Variants in NTAQ1 observed in about 807,000 individuals in gnomAD.
The protein encoded by NTAQ1 is N-terminal glutamine amidase 1, also known as protein N-terminal glutamine amidohydrolase.
In NTAQ1, 21 loss-of-function variants were observed where a neutral mutation model predicts 28.2. The observed-to-expected ratio is 0.74, with a 90% CI of 0.53 to 1.07. NTAQ1 has a LOEUF of 1.07. Among genes scored for constraint, NTAQ1 ranks in the 50% least tolerant of loss-of-function variants. The pLI is 0.00. For missense variants in NTAQ1, 264 were observed against 256.6 expected, an observed-to-expected ratio of 1.03 and a Z score of -0.20; for synonymous variants, 105 against 90.0, an observed-to-expected ratio of 1.17 and a Z score of -0.94.
chr8:123,429,165 T>G (rs1814246369), intron 2 of NTAQ1, among the ~76,000 whole-genome samples: 1 of 152,138 alleles, frequency 6.6e-6, no homozygotes, highest in African/African-American at 2.4e-5. Context: ...GATGAAGAGA[T>G]TAAGACTTAG....
intron 6 of NTAQ1, among the ~76,000 whole-genome samples, chr8:123,455,287 T>C (rs572953113): frequency 6.6e-6 from 1 of 152,242 alleles, no homozygotes; most frequent in East Asian, 1.9e-4. Flanking sequence ...GGGCCTACAG[T>C]ATAAACATGG....
chr8:123,452,747 CAA>C (rs11343352), downstream of NTAQ1, among the ~76,000 whole-genome samples: 4 of 145,912 alleles, frequency 2.7e-5, no homozygotes, highest in Non-Finnish European at 1.5e-5. Flanking sequence ...ACTAAAAATA[CAA>C]AAAAAAAAAT....
At position 123,416,793 on chromosome 8, in the gene NTAQ1, C is replaced by A; in HGVS notation, c.-57C>A. 6.8e-7 allele frequency: 1 copy of A among 1,478,046 alleles called. No homozygotes were observed. 91.6% of individuals were successfully genotyped at this position (1,478,046 alleles called of 1,614,324 possible). ...CGGGCCACTACAAGCCCGCCCTTTC[C>A]TACGTCTGGTCCAGTCGGTCTTCCT... is the stretch of plus-strand genomic sequence containing the variant. On this transcript the variant is annotated 5_prime_UTR_variant, in exon 1 of 6. Transcript: ENST00000287387.
At chr8:123,451,418 A>T (rs111744188), downstream of NTAQ1, among the ~76,000 whole-genome samples, 1,781 of 152,302 alleles carry the variant, frequency 0.012, 40 homozygotes, top group African/African-American at 0.041. Flanking sequence ...GACTAACTGC[A>T]GCCTCCGCCT....
intron 6 of NTAQ1, among the ~76,000 whole-genome samples, chr8:123,466,533 T>C (rs918904712): frequency 6.6e-6 from 1 of 152,220 alleles, no homozygotes; most frequent in Non-Finnish European, 1.5e-5. Flanking sequence ...AGTAAGACCA[T>C]GTTTGTGACT....
At chr8:123,432,541 A>G (rs1000277034) in intron 3 of NTAQ1, among the ~76,000 whole-genome samples, 2 of 152,010 alleles carry the variant, frequency 1.3e-5, no homozygotes, top group Non-Finnish European at 2.9e-5. Flanking sequence ...TGCCTGAGGC[A>G]GGAGAATTGC....
At chr8:123,464,765 T>G (rs539226523) in intron 6 of NTAQ1, among the ~76,000 whole-genome samples, 1 of 152,142 alleles carries the variant, frequency 6.6e-6, no homozygotes, top group African/African-American at 2.4e-5. Context: ...TGTGGGCCCT[T>G]GGCTGGGCAC....
At chr8:123,437,107 A>T (rs866430646) in intron 4 of NTAQ1, 103 bp from the exon 5 acceptor site, 2 of 1,439,348 alleles carry the variant, frequency 1.4e-6, no homozygotes, top group African/African-American at 2.8e-5. Flanking sequence ...GAAATGCATG[A>T]GTAGTTTTGT....
intron 6 of NTAQ1, among the ~76,000 whole-genome samples, chr8:123,447,654 T>G (rs6993487): frequency 0.022 from 3,333 of 152,342 alleles, 126 homozygotes; most frequent in African/African-American, 0.076. Context: ...TTCCTGCTGC[T>G]TTCTGATCAC....
At chr8:123,456,102 A>C (rs1404063797) in intron 6 of NTAQ1, among the ~76,000 whole-genome samples, 2 of 152,158 alleles carry the variant, frequency 1.3e-5, no homozygotes, top group African/African-American at 4.8e-5. Flanking sequence ...GGCCCTCCCC[A>C]AAAAGGGTGA....
At chr8:123,471,837 C>G (rs1261021780), downstream of NTAQ1, among the ~76,000 whole-genome samples, 1 of 152,210 alleles carries the variant, frequency 6.6e-6, no homozygotes, top group Non-Finnish European at 1.5e-5. Flanking sequence ...CAAAAACACT[C>G]TCACACAAAC....
intron 1 of NTAQ1, among the ~76,000 whole-genome samples, chr8:123,422,282 GTT>G (rs35588966): frequency 6.9e-6 from 1 of 145,404 alleles, no homozygotes. Flanking sequence ...TTTGTTTTGG[GTT>G]TTTTTTTTTG....
In NTAQ1 at chr8:123,425,471, C is replaced by CT. The variant is rs74275579; in HGVS notation, c.84-2439dup. 6.9e-3 allele frequency among the ~76,000 whole-genome samples: 986 copies of CT among 143,202 alleles called. 12 individuals are homozygous for CT. The highest frequency in any genetic ancestry group is 0.02 in the African/African-American group (780 of 39,330). 93.9% of individuals were successfully genotyped at this position (143,202 alleles called of 152,430 possible). ...CAGTAGCAATCTTCCCACCCCCCCA[C>CT]TTTTTTTTTTTTTTAACCACAACCA... On this transcript the variant is annotated intron_variant, in intron 1 of 5. Transcript: ENST00000287387.
chr8:123,466,659 T>C (rs1459362979), intron 6 of NTAQ1, among the ~76,000 whole-genome samples: 3 of 152,110 alleles, frequency 2.0e-5, no homozygotes, highest in Non-Finnish European at 2.9e-5. Context: ...TCCTCCCTTT[T>C]CCCCCCTGGC....
chr8:123,457,133 C>T (rs775618344), intron 6 of NTAQ1, among the ~76,000 whole-genome samples: 4 of 152,214 alleles, frequency 2.6e-5, no homozygotes, highest in Non-Finnish European at 4.4e-5. Flanking sequence ...GTGGCACAAT[C>T]TCGGCTCACC....
At chr8:123,439,271 T>C (rs34618897) in intron 5 of NTAQ1, among the ~76,000 whole-genome samples, 54,722 of 151,308 alleles carry the variant, frequency 0.36, 10,014 homozygotes, top group East Asian at 0.56. Context: ...CTCCATCTCC[T>C]GAGTTCAAGC....
chr8:123,436,972 A>G (rs1026245477), intron 4 of NTAQ1, among the ~76,000 whole-genome samples: 17 of 152,122 alleles, frequency 1.1e-4, no homozygotes, highest in African/African-American at 3.6e-4. Flanking sequence ...CTTGATACAC[A>G]AATCGAGTAA....
chr8:123,459,054 G>A (rs1467492820), intron 6 of NTAQ1, among the ~76,000 whole-genome samples: 1 of 151,930 alleles, frequency 6.6e-6, no homozygotes, highest in Non-Finnish European at 1.5e-5. Flanking sequence ...CTCCAGCCTG[G>A]CAACAGAGTG....
rs535706576 is a variant in NTAQ1, at chr8:123,426,677, T to C, written c.84-1247T>C. On this transcript the variant is annotated intron_variant, in intron 1 of 5. Coordinates refer to ENST00000287387, the MANE Select transcript of NTAQ1 (RefSeq NM_018024.3). ...GAGACCCTGTCTCTAAAAATAAGCA[T>C]AGGCTGGGCACGGTGGCTCACTCTG... Among the ~76,000 whole-genome samples the C allele has an allele frequency of 4.1e-4, 63 of 152,082 alleles. No homozygotes were observed. The South Asian group carries it at 0.013, about 31-fold the overall frequency.
Sources: allele counts gnomAD v4.1 joint callset (sites outside exome capture counted in the v4.1 genomes callset), GRCh38; gene constraint gnomAD v4.1.1; transcripts MANE v1.5; gene names NCBI Gene and HGNC (gene_info 2026-07-23, HGNC 2026-07-21).